Variants in XKR6 observed in about 807,000 individuals in gnomAD.
The protein encoded by XKR6 is XK-related protein 6.
In XKR6, 22 loss-of-function variants were observed where a neutral mutation model predicts 56.7. That is an observed-to-expected ratio of 0.39 (90% CI 0.28 to 0.55). XKR6 has a LOEUF of 0.55. XKR6 is among the 20% of genes least tolerant of loss of function. The pLI is 0.66. For synonymous variants in XKR6, 524 were observed against 387.8 expected (o/e 1.35, Z -4.13); for missense variants, 852 against 889.0 (o/e 0.96, Z 0.53).
At chr8:11,126,456 G>A (rs1260443355) in intron 1 of XKR6, among the ~76,000 whole-genome samples, 1 of 151,900 alleles carries the variant, frequency 6.6e-6, no homozygotes, top group Non-Finnish European at 1.5e-5. Context: ...CTCAGTTCTT[G>A]AATTTTTTTT....
Position 11,069,660 on chromosome 8 carries a change from A to G in XKR6, c.764+130916T>C, listed in dbSNP as rs1800068083. 1.3e-5 allele frequency among the ~76,000 whole-genome samples: 2 copies of G among 152,140 alleles called. 1 individual carries two copies. The highest frequency in any genetic ancestry group is 1.3e-4 in the Admixed American group (2 of 15,280). On this transcript the variant is annotated intron_variant, in intron 1 of 2. Transcript: ENST00000416569. The stretch of plus-strand genomic sequence containing the variant: ...ACATTTCCAGAAGAGGGCTCCAGAG[A>G]GGATCAATAAGCAAACAGAATAAAG...
intron 1 of XKR6, among the ~76,000 whole-genome samples, chr8:11,050,127 C>A (rs1355996164): frequency 1.3e-5 from 2 of 152,154 alleles, no homozygotes; most frequent in Admixed American, 6.5e-5. Flanking sequence ...GATTCCCCTC[C>A]TACTCCCAGG....
At chr8:10,972,971 C>A (rs541744887) in intron 1 of XKR6, among the ~76,000 whole-genome samples, 1 of 152,276 alleles carries the variant, frequency 6.6e-6, no homozygotes, top group East Asian at 1.9e-4. Flanking sequence ...CTGGGAGGAC[C>A]ATTCATGAAC....
At chr8:11,033,933 A>G (rs1033991738) in intron 1 of XKR6, among the ~76,000 whole-genome samples, 1 of 152,194 alleles carries the variant, frequency 6.6e-6, no homozygotes, top group Non-Finnish European at 1.5e-5. Context: ...GCCTGCAGAG[A>G]AGCAGCTTGG....
chr8:11,189,205 T>G (rs964298654), intron 1 of XKR6, among the ~76,000 whole-genome samples: 1 of 152,208 alleles, frequency 6.6e-6, no homozygotes, highest in African/African-American at 2.4e-5. Flanking sequence ...TTTCTGAATT[T>G]GAGACACAAA....
At chr8:10,903,402 C>T (rs1800096818) in intron 2 of XKR6, among the ~76,000 whole-genome samples, 1 of 152,130 alleles carries the variant, frequency 6.6e-6, no homozygotes, top group South Asian at 2.1e-4. Context: ...TGAACCCTCC[C>T]CAACTGTGCA....
intron 1 of XKR6, among the ~76,000 whole-genome samples, chr8:10,993,477 C>T (rs1798039529): frequency 6.6e-6 from 1 of 152,238 alleles, no homozygotes; most frequent in South Asian, 2.1e-4. Context: ...TGCTCTCAGC[C>T]AGGTGGCAGG....
chr8:11,130,738 G>C lies in XKR6; in HGVS notation c.764+69838C>G, dbSNP rs529902629. ...TCCATCACAAGCCAAGGGATATGCT[G>C]AACAAATAAGAAGTACGACAGATGC... On this transcript the variant is annotated intron_variant, in intron 1 of 2. Coordinates refer to ENST00000416569, the MANE Select transcript of XKR6 (RefSeq NM_173683.4). Among the ~76,000 whole-genome samples the C allele has an allele frequency of 1.9e-4, 29 of 152,018 alleles. 1 individual carries two copies. The South Asian group carries it at 5.8e-3, about 31-fold the overall frequency.
At chr8:10,909,341 T>C (rs1416680769) in intron 2 of XKR6, among the ~76,000 whole-genome samples, 1 of 152,048 alleles carries the variant, frequency 6.6e-6, no homozygotes, top group Non-Finnish European at 1.5e-5. Flanking sequence ...AATTACCCAG[T>C]CTGTTGTATT....
chr8:11,184,156 G>C (rs534169873), intron 1 of XKR6, among the ~76,000 whole-genome samples: 75 of 152,242 alleles, frequency 4.9e-4, no homozygotes, highest in Admixed American at 1.3e-3. Flanking sequence ...TCAGAGTATA[G>C]TTTTATTCTA....
At chr8:11,120,639 C>G (rs1193527351) in intron 1 of XKR6, among the ~76,000 whole-genome samples, 2 of 152,060 alleles carry the variant, frequency 1.3e-5, no homozygotes, top group Non-Finnish European at 2.9e-5. Context: ...TCAATGCCAT[C>G]CCCATCAAGC....
In XKR6 at chr8:11,039,051, G is replaced by A. The variant is rs533657396; in HGVS notation, c.765-114221C>T. 5.9e-5 allele frequency among the ~76,000 whole-genome samples: 9 copies of A among 151,492 alleles called. No homozygotes were observed. The South Asian group carries it at 8.3e-4, about 14-fold the overall frequency. ...CCACTCAGAGCTTATGGTCCCCAGA[G>A]AGTGGCGCAGGCCCAGTGAGAGCCA... On this transcript the variant is annotated intron_variant, in intron 1 of 2. Transcript: ENST00000416569.
intron 1 of XKR6, among the ~76,000 whole-genome samples, chr8:10,947,735 C>T (rs896299747): frequency 6.6e-6 from 1 of 152,204 alleles, no homozygotes; most frequent in Non-Finnish European, 1.5e-5. Context: ...AAGTCCCAGT[C>T]TTTTCATCCA....
chr8:10,945,825 A>C (rs1315214316), intron 1 of XKR6, among the ~76,000 whole-genome samples: 1 of 151,834 alleles, frequency 6.6e-6, no homozygotes, highest in Non-Finnish European at 1.5e-5. Context: ...CTGCTGGGGA[A>C]CCCGAGAGCT....
At chr8:11,041,727 A>G (rs960017753) in intron 1 of XKR6, among the ~76,000 whole-genome samples, 2 of 152,208 alleles carry the variant, frequency 1.3e-5, no homozygotes, top group African/African-American at 4.8e-5. Context: ...GGGGGCTCAA[A>G]GAGGCTCGAA....
intron 1 of XKR6, among the ~76,000 whole-genome samples, chr8:10,991,162 C>G (rs1362500851): frequency 6.6e-6 from 1 of 152,078 alleles, no homozygotes; most frequent in East Asian, 1.9e-4. Flanking sequence ...TCTCAGCCTC[C>G]CAAAGTGCTG....
chr8:11,034,555 G>A (rs1047644789), intron 1 of XKR6, among the ~76,000 whole-genome samples: 1 of 152,194 alleles, frequency 6.6e-6, no homozygotes, highest in African/African-American at 2.4e-5. Context: ...AGAGAGCCAT[G>A]GCAGGCTTTC....
chr8:11,091,041 T>C (rs1296593889), intron 1 of XKR6, among the ~76,000 whole-genome samples: 1 of 152,106 alleles, frequency 6.6e-6, no homozygotes, highest in Non-Finnish European at 1.5e-5. Context: ...TAGGCCATCC[T>C]CTCTCTTAGG....
chr8:11,084,426 AT>A (rs1797817961), intron 1 of XKR6, among the ~76,000 whole-genome samples: 1 of 152,212 alleles, frequency 6.6e-6, no homozygotes, highest in African/African-American at 2.4e-5. Flanking sequence ...TTATACCGTC[AT>A]TTTAAAATAA....
Sources: allele counts gnomAD v4.1 joint callset (sites outside exome capture counted in the v4.1 genomes callset), GRCh38; gene constraint gnomAD v4.1.1; transcripts MANE v1.5; gene names NCBI Gene and HGNC (gene_info 2026-07-23, HGNC 2026-07-21).